ACYP2: variants seen among roughly 807,000 people sequenced by gnomAD.
The protein encoded by ACYP2 is acylphosphatase-2.
Under a neutral mutation model 11.2 loss-of-function variants are expected in ACYP2, and 12 were observed. The observed-to-expected ratio is 1.08, with a 90% CI of 0.69 to 1.74. ACYP2 has a LOEUF of 1.74. Among genes scored for constraint, ACYP2 ranks in the 40% most tolerant of loss-of-function variants. The pLI is 0.00. For synonymous variants in ACYP2, 43 were observed against 32.2 expected (o/e 1.33, Z -1.13); for missense variants, 134 against 101.9 (o/e 1.31, Z -1.35).
intron 2 of ACYP2, among the ~76,000 whole-genome samples, chr2:54,034,524 A>G (rs944856779): frequency 6.6e-6 from 1 of 152,228 alleles, no homozygotes; most frequent in Non-Finnish European, 1.5e-5. Flanking sequence ...TCTATCCCCT[A>G]TCACCTGGAT....
rs773996133 is a variant in ACYP2 at position 54,196,532 on chromosome 2, A to G, written c.404+57784A>G. 2.6e-5 allele frequency among the ~76,000 whole-genome samples: 4 copies of G among 152,114 alleles called. No homozygotes were observed. The South Asian group carries it at 6.2e-4, about 24-fold the overall frequency. ...TTTCAATTTTTTTTAAGATTTGGTG[A>G]ATTACATTAAATAAATATTTATTAA... On this transcript the variant is annotated intron_variant, in intron 6 of 6. Transcript: ENST00000607452.
intron 6 of ACYP2, among the ~76,000 whole-genome samples, chr2:54,221,284 T>A (rs1685789979): frequency 6.6e-6 from 1 of 152,188 alleles, no homozygotes; most frequent in African/African-American, 2.4e-5. Context: ...AGTCACTAAA[T>A]TTGGGGTGCT....
intron 4 of ACYP2, among the ~76,000 whole-genome samples, chr2:54,071,765 C>T (rs934953576): frequency 5.9e-5 from 9 of 152,198 alleles, no homozygotes; most frequent in Non-Finnish European, 1.3e-4. Context: ...AATCCCAGCA[C>T]TTTGGTAGGC....
At chr2:54,211,382 T>G (rs1044798470) in intron 6 of ACYP2, among the ~76,000 whole-genome samples, 1 of 152,214 alleles carries the variant, frequency 6.6e-6, no homozygotes, top group Non-Finnish European at 1.5e-5. Flanking sequence ...TACAGTGATA[T>G]TTAACTAATA....
intron 6 of ACYP2, among the ~76,000 whole-genome samples, chr2:54,266,074 A>G (rs1376838015): frequency 6.6e-6 from 1 of 152,242 alleles, no homozygotes; most frequent in Non-Finnish European, 1.5e-5. Flanking sequence ...GTAATTGCTG[A>G]CATAAGTAAC....
chr2:54,256,175 T>TG lies in ACYP2; in HGVS notation c.405-48510dup, dbSNP rs772751148. The TG allele has an allele frequency of 2.5e-6, 4 of 1,595,330 alleles. No homozygotes were observed. The South Asian group carries it at 4.6e-5, about 18-fold the overall frequency. On this transcript the variant is annotated intron_variant, in intron 6 of 6. Coordinates refer to ENST00000607452, the MANE Select transcript of ACYP2 (RefSeq NM_001320586.2). ...ATGTTGGTAGCGGCCAGGGCAGCAGTGGGTAGAGGCCAGGCCAGAGGTAGG... is the reference window on the plus strand; with the variant it reads ...ATGTTGGTAGCGGCCAGGGCAGCAGTGGGGTAGAGGCCAGGCCAGAGGTAGG...
At chr2:53,972,264 C>T (rs937974614) in intron 1 of ACYP2, among the ~76,000 whole-genome samples, 3 of 147,806 alleles carry the variant, frequency 2.0e-5, no homozygotes. Flanking sequence ...GAGCCAAGAT[C>T]GCGCCAGGGC....
intron 6 of ACYP2, among the ~76,000 whole-genome samples, chr2:54,193,231 T>C (rs1684310375): frequency 6.6e-6 from 1 of 152,242 alleles, no homozygotes; most frequent in Non-Finnish European, 1.5e-5. Context: ...TTTTTAGTTT[T>C]ATTTTGTTCT....
At chr2:54,211,321 T>G (rs892429520) in intron 6 of ACYP2, among the ~76,000 whole-genome samples, 1 of 152,228 alleles carries the variant, frequency 6.6e-6, no homozygotes, top group South Asian at 2.1e-4. Context: ...TTTCTATGCA[T>G]TTAAACATGC....
Position 54,243,224 on chromosome 2 carries a change from A to C in ACYP2, c.405-61464A>C, listed in dbSNP as rs1400132845. Among the ~76,000 whole-genome samples, 3 of 152,174 alleles carry C rather than the reference A, an allele frequency of 2.0e-5. No individual in the cohort carries two copies. In the East Asian group the frequency reaches 5.8e-4, roughly 29 times the overall value. On this transcript the variant is annotated intron_variant, in intron 6 of 6. Transcript: ENST00000607452. ...CATTCTGAGAAATGCATCATTAGGCAATTTCTTTGTTGTGCAAATATTGTA... is the reference window on the plus strand; with the variant it reads ...CATTCTGAGAAATGCATCATTAGGCCATTTCTTTGTTGTGCAAATATTGTA...
chr2:54,261,823 T>A (rs1687792981), intron 6 of ACYP2, among the ~76,000 whole-genome samples: 1 of 152,254 alleles, frequency 6.6e-6, no homozygotes, highest in Admixed American at 6.5e-5. Flanking sequence ...GAGGGAGATG[T>A]ACACTTTGCT....
At chr2:54,199,275 G>C (rs1164407541) in intron 6 of ACYP2, among the ~76,000 whole-genome samples, 1 of 152,152 alleles carries the variant, frequency 6.6e-6, no homozygotes, top group Non-Finnish European at 1.5e-5. Flanking sequence ...ATGGGACATC[G>C]TGAACACCAT....
At chr2:54,222,933 T>C (rs1455852260) in intron 6 of ACYP2, 1 of 152,190 alleles carries the variant, frequency 6.6e-6, no homozygotes, top group African/African-American at 2.4e-5. Flanking sequence ...TCTTTCCCTC[T>C]CAACGTTGCC....
chr2:54,211,061 T>A lies in ACYP2; in HGVS notation c.404+72313T>A, dbSNP rs1426298262. 4.6e-5 allele frequency among the ~76,000 whole-genome samples: 7 copies of A among 152,182 alleles called. No individual in the cohort carries two copies. In the East Asian group the frequency reaches 1.3e-3, roughly 29 times the overall value. On this transcript the variant is annotated intron_variant, in intron 6 of 6. Transcript: ENST00000607452. The stretch of plus-strand genomic sequence containing the variant: ...TTCCCTGAAGTCAACTGATGTAAAC[T>A]CAATTGTACATACAAACGACTGCAC...
chr2:54,145,565 TCAATAACAGTATGC>T (rs1681842819), intron 6 of ACYP2, among the ~76,000 whole-genome samples: 1 of 152,176 alleles, frequency 6.6e-6, no homozygotes, highest in African/African-American at 2.4e-5. Context: ...TTACCCACTT[TCAATAACAGTATGC>T]TTTCAGACAT....
chr2:54,301,063 T>C lies in ACYP2; in HGVS notation c.405-3625T>C, dbSNP rs187208908. ...ATTGCACGGCCATACATATTGGTAA[T>C]ATACCATATGCCATACGTATATTAA... On this transcript the variant is annotated intron_variant, in intron 6 of 6. Coordinates refer to ENST00000607452, the MANE Select transcript of ACYP2 (RefSeq NM_001320586.2). Among the ~76,000 whole-genome samples the C allele has an allele frequency of 2.0e-3, 299 of 152,358 alleles. 1 individual carries two copies. Among genetic ancestry groups the C allele is most frequent in the African/African-American group, 6.8e-3 (284 of 41,580 alleles).
intron 4 of ACYP2, among the ~76,000 whole-genome samples, chr2:54,097,993 C>G (rs1316222903): frequency 3.8e-4 from 53 of 141,086 alleles, no homozygotes; most frequent in African/African-American, 1.4e-3. Context: ...GGTGGAGTCT[C>G]CCTCTGTCAC....
intron 4 of ACYP2, among the ~76,000 whole-genome samples, chr2:54,066,742 G>A (rs766881611): frequency 6.6e-6 from 1 of 152,184 alleles, no homozygotes; most frequent in African/African-American, 2.4e-5. Flanking sequence ...AGGAGTTAAA[G>A]AAGTAGTTAA....
chr2:54,198,036 T>TGTATTGTATTGTA lies in ACYP2; in HGVS notation c.404+59288_404+59289insGTATTGTATTGTA, dbSNP rs1462389697. ...TGTATTGTATTGTATTGTATTGTATTTTAAGACAGTTTCACTTTTGTCACC... is the reference window on the plus strand; with the variant it reads ...TGTATTGTATTGTATTGTATTGTATTGTATTGTATTGTATTAAGACAGTTTCACTTTTGTCACC... On this transcript the variant is annotated intron_variant, in intron 6 of 6. Coordinates refer to ENST00000607452, the MANE Select transcript of ACYP2 (RefSeq NM_001320586.2). Among the ~76,000 whole-genome samples the TGTATTGTATTGTA allele has an allele frequency of 3.5e-5, 5 of 144,022 alleles. No individual in the cohort carries two copies. In the East Asian group the frequency reaches 6.1e-4, roughly 18 times the overall value. The allele number at this position is 144,022 out of a possible 152,430, so 94.5% of individuals were successfully genotyped here.
Sources: allele counts gnomAD v4.1 joint callset (sites outside exome capture counted in the v4.1 genomes callset), GRCh38; gene constraint gnomAD v4.1.1; transcripts MANE v1.5; gene names NCBI Gene and HGNC (gene_info 2026-07-23, HGNC 2026-07-21).